PRKDC: variants seen among roughly 807,000 people sequenced by gnomAD.
PRKDC encodes DNA-dependent protein kinase catalytic subunit.
A neutral mutation model predicts 486.9 loss-of-function variants in PRKDC; 82 were observed. The ratio of observed to expected loss-of-function variants is 0.17; its 90% confidence interval spans 0.14 to 0.20. The LOEUF (loss-of-function observed/expected upper bound fraction) is 0.20, where lower values mean the gene tolerates loss of function less well. PRKDC is among the 10% of genes least tolerant of loss of function. The pLI, the probability that PRKDC is intolerant of heterozygous loss-of-function variation, is 1.00. For missense variants in PRKDC, 4,504 were observed against 5,038.2 expected, an observed-to-expected ratio of 0.89 and a Z score of 3.21; for synonymous variants, 1,895 against 1,837.0, an observed-to-expected ratio of 1.03 and a Z score of -0.81.
intron 52 of PRKDC, among the ~76,000 whole-genome samples, chr8:47,852,018 A>T (rs2088418197): frequency 6.6e-6 from 1 of 152,214 alleles, no homozygotes; most frequent in South Asian, 2.1e-4. Flanking sequence ...CGGGAGGCTA[A>T]GGTGGGAGGA....
At chr8:47,846,084 G>C (rs992337062) in intron 54 of PRKDC, among the ~76,000 whole-genome samples, 1 of 152,150 alleles carries the variant, frequency 6.6e-6, no homozygotes, top group Non-Finnish European at 1.5e-5. Flanking sequence ...AAAGCCATAT[G>C]ATCATTTCAA....
At chr8:47,883,432 G>T (rs375106967) in intron 36 of PRKDC, among the ~76,000 whole-genome samples, 4 of 152,226 alleles carry the variant, frequency 2.6e-5, no homozygotes, top group East Asian at 3.9e-4. Context: ...GACACTCCAT[G>T]GCCCTCTTCT....
At chr8:47,844,148 G>C (rs1011459908) in intron 54 of PRKDC, among the ~76,000 whole-genome samples, 1 of 152,228 alleles carries the variant, frequency 6.6e-6, no homozygotes, top group African/African-American at 2.4e-5. Context: ...CTCTTCAAGA[G>C]ACCCATCTCA....
At chr8:47,834,950 A>G (rs1284600270) in intron 58 of PRKDC, among the ~76,000 whole-genome samples, 1 of 152,114 alleles carries the variant, frequency 6.6e-6, no homozygotes, top group Non-Finnish European at 1.5e-5. Flanking sequence ...TCGGCCGCCC[A>G]AAGTGCTGGG....
intron 17 of PRKDC, 48 bp downstream of exon 17, chr8:47,930,624 A>G (rs1261481461): frequency 3.3e-6 from 5 of 1,500,530 alleles, no homozygotes; most frequent in African/African-American, 1.4e-5. Context: ...TACAGCCAAT[A>G]ACTAACAATC....
intron 17 of PRKDC, 86 bp from the exon 18 acceptor site, chr8:47,930,098 T>C (rs766687153): frequency 3.0e-5 from 35 of 1,164,002 alleles, no homozygotes; most frequent in Non-Finnish European, 4.2e-5. Flanking sequence ...ACAACTAAGC[T>C]ACAAACCCAT....
intron 21 of PRKDC, among the ~76,000 whole-genome samples, chr8:47,919,726 T>TG (rs1049558591): frequency 6.6e-6 from 1 of 150,414 alleles, no homozygotes; most frequent in Non-Finnish European, 1.5e-5. Context: ...TTTAGTGGTT[T>TG]TTTTTTTTTT....
intron 4 of PRKDC, among the ~76,000 whole-genome samples, chr8:47,955,453 C>A: frequency 8.4e-6 from 1 of 119,324 alleles, no homozygotes; most frequent in Non-Finnish European, 1.7e-5. Context: ...CAGAGCGAGA[C>A]TCCGTCTCAA....
intron 10 of PRKDC, among the ~76,000 whole-genome samples, chr8:47,941,280 C>G (rs542639756): frequency 5.1e-4 from 78 of 152,314 alleles, no homozygotes; most frequent in Non-Finnish European, 9.4e-4. Flanking sequence ...TTCCTCTCTC[C>G]TCACTCCCTA....
At chr8:47,948,197 G>T (rs1402654239) in intron 7 of PRKDC, among the ~76,000 whole-genome samples, 1 of 151,888 alleles carries the variant, frequency 6.6e-6, no homozygotes, top group Non-Finnish European at 1.5e-5. Context: ...AGGCTGGAGG[G>T]CAGTGGCGCG....
At chr8:47,864,432 A>T in intron 41 of PRKDC, 124 bp downstream of exon 41, 1 of 846,214 alleles carries the variant, frequency 1.2e-6, no homozygotes, top group Non-Finnish European at 1.8e-6. Context: ...CCATGTAGCC[A>T]CAGACTGTTA....
chr8:47,852,116 TAA>T (rs1199866707), intron 52 of PRKDC, among the ~76,000 whole-genome samples: 3 of 152,284 alleles, frequency 2.0e-5, no homozygotes, highest in Non-Finnish European at 4.4e-5. Context: ...AACCCAGCTC[TAA>T]AAAGACTTTA....
chr8:47,928,529 A>C (rs981120787), intron 19 of PRKDC, among the ~76,000 whole-genome samples: 1 of 151,374 alleles, frequency 6.6e-6, no homozygotes, highest in Non-Finnish European at 1.5e-5. Context: ...TTTAGCAAAC[A>C]CATTTTTATT....
rs1198735547 is a variant in PRKDC, at chr8:47,889,182, A to G, written c.4112T>C (p.Val1371Ala). 1 of 1,613,678 alleles carries G rather than the reference A, an allele frequency of 6.2e-7. No homozygotes were observed. Among genetic ancestry groups the G allele is most frequent in the Non-Finnish European group, 8.5e-7 (1 of 1,179,838 alleles). The part of the protein sequence containing the change: ...KDLCNTHLMR[V>A]LVQTLCEPAS... ...GGGCTCACACAGCGTCTGCACCAGG[A>G]CTCTCATCAGGTGTGTATTACACAA... The change falls in exon 33 of 86, where the codon GTC (valine) becomes GCC (alanine). Residue 1371 changes from valine to alanine, a missense_variant. By Grantham distance (64) the Val-to-Ala change is moderately conservative. Transcript: ENST00000314191.
Position 47,959,956 on chromosome 8 carries a change from C to A in PRKDC, c.154+17G>T. 6.5e-7 allele frequency: 1 copy of A among 1,534,010 alleles called. No homozygotes were observed. Among genetic ancestry groups the A allele is most frequent in the African/African-American group, 1.4e-5 (1 of 73,050 alleles). The stretch of plus-strand genomic sequence containing the variant: ...AAGCCAGGACCCACCCGCGGCCCAG[C>A]TCGGGCCGGTACCCACCCAGCACCG... On this transcript the variant is annotated intron_variant, in intron 1 of 85. Coordinates refer to ENST00000314191, the MANE Select transcript of PRKDC (RefSeq NM_006904.7).
Position 47,864,746 on chromosome 8 carries a change from T to C in PRKDC, c.5381A>G (p.Gln1794Arg). ...RIARRGSCVT[Q>R]VGLLESVYEM... ...ATACACGCTTTCCAGAAGGCCTACT[T>C]GTGTGACACATGAACCCCTAAGAAA... Residue 1794 changes from glutamine (Q) to arginine (R), a missense_variant, in exon 41 of 86, where the codon CAA (glutamine) becomes CGA (arginine). By Grantham distance (43) the Gln-to-Arg change is conservative. Transcript: ENST00000314191. The C allele has an allele frequency of 6.3e-7, 1 of 1,596,252 alleles. No individual in the cohort carries two copies. The highest frequency in any genetic ancestry group is 8.5e-7 in the Non-Finnish European group (1 of 1,169,866).
chr8:47,869,058 G>A (rs1589754358), intron 40 of PRKDC, among the ~76,000 whole-genome samples: 1 of 152,268 alleles, frequency 6.6e-6, no homozygotes, highest in African/African-American at 2.4e-5. Context: ...ATGGGCTAAA[G>A]TGCCTTGGGG....
At chr8:47,939,940 A>G (rs1232929838) in intron 10 of PRKDC, 1 of 242,446 alleles carries the variant, frequency 4.1e-6, no homozygotes, top group African/African-American at 2.3e-5. Context: ...CCAAGGATAC[A>G]CATAAGTCTG....
In PRKDC at chr8:47,953,851, C is replaced by A. The variant is rs1471623680; in HGVS notation, c.577G>T (p.Ala193Ser). 2 of 1,569,544 alleles carry A rather than the reference C, an allele frequency of 1.3e-6. No homozygotes were observed. The highest frequency in any genetic ancestry group is 1.9e-5 in the Admixed American group (1 of 52,994). The change falls in exon 6 of 86, where the codon GCA becomes TCA. Residue 193 changes from alanine (A) to serine (S), a missense_variant. Physicochemically the swap from Ala to Ser is moderately conservative, Grantham distance 99. Transcript: ENST00000314191. ...EVHPSEMINN[A>S]ENLFRAFLGE... ...AGAAAAGCGCGGAACAGGTTTTCTG[C>A]ATTATTTATCATCTCACTAGGATGA...
Sources: allele counts gnomAD v4.1 joint callset (sites outside exome capture counted in the v4.1 genomes callset), GRCh38; gene constraint gnomAD v4.1.1; transcripts MANE v1.5; gene names NCBI Gene and HGNC (gene_info 2026-07-23, HGNC 2026-07-21).